Variants in FSD1L observed in about 807,000 individuals in gnomAD.
The protein encoded by FSD1L is fibronectin type III and SPRY domain containing 1 like, also known as FSD1-like protein.
FSD1L carries 45 observed loss-of-function variants against 71.6 expected under a neutral mutation model. The ratio of observed to expected loss-of-function variants is 0.63; its 90% CI spans 0.49 to 0.81. The LOEUF (loss-of-function observed/expected upper bound fraction) is 0.81. Ranked by LOEUF, FSD1L falls within the 30% of genes least tolerant of loss-of-function variation. The probability of loss-of-function intolerance (pLI) is 0.00; values close to 1 mark genes in which losing one functional copy is unlikely to be tolerated. For synonymous variants in FSD1L, 197 were observed against 207.2 expected (o/e 0.95, Z 0.42); for missense variants, 561 against 618.1 (o/e 0.91, Z 0.98).
chr9:105,516,387 C>T (rs1242986281), intron 10 of FSD1L, among the ~76,000 whole-genome samples: 2 of 152,176 alleles, frequency 1.3e-5, no homozygotes, highest in Non-Finnish European at 2.9e-5. Flanking sequence ...CCCCGTGAAT[C>T]CTGACTAGGA....
intron 6 of FSD1L, among the ~76,000 whole-genome samples, chr9:105,481,057 G>T (rs188483181): frequency 6.7e-6 from 1 of 149,366 alleles, no homozygotes; most frequent in Non-Finnish European, 1.5e-5. Flanking sequence ...CTGAAGCTTG[G>T]GTTTTTTGCG....
At position 105,469,673 on chromosome 9, in the gene FSD1L, T is replaced by G. The variant is rs75830559; in HGVS notation, c.339+1349T>G. Among the ~76,000 whole-genome samples, 943 of 151,324 alleles carry G rather than the reference T, an allele frequency of 6.2e-3. 15 individuals are homozygous for G. Among genetic ancestry groups the G allele is most frequent in the African/African-American group, 0.022 (894 of 41,246 alleles). Reference sequence around the variant, plus strand: ...GCAGTTTTCTATTCATTCTGGATATTAACTCCTTATCAGGTGTATGATTCA... The same window carrying G: ...GCAGTTTTCTATTCATTCTGGATATGAACTCCTTATCAGGTGTATGATTCA... On this transcript the variant is annotated intron_variant, in intron 4 of 13. Coordinates refer to ENST00000481272, the MANE Select transcript of FSD1L (RefSeq NM_001145313.3).
chr9:105,493,099 G>T (rs1833075881), intron 7 of FSD1L, among the ~76,000 whole-genome samples: 1 of 152,210 alleles, frequency 6.6e-6, no homozygotes, highest in African/African-American at 2.4e-5. Context: ...TGACAGTGGG[G>T]TTTTAAAGTC....
At chr9:105,494,234 G>A (rs1481357027) in intron 7 of FSD1L, among the ~76,000 whole-genome samples, 1 of 151,684 alleles carries the variant, frequency 6.6e-6, no homozygotes, top group Non-Finnish European at 1.5e-5. Flanking sequence ...TTCCCTTCTC[G>A]CTTCATTTCA....
chr9:105,471,786 T>C (rs1270259294), intron 4 of FSD1L, 118 bp from the exon 5 acceptor site: 5 of 370,280 alleles, frequency 1.4e-5, no homozygotes, highest in Non-Finnish European at 2.4e-5. Flanking sequence ...GAAATGTTTT[T>C]CCTCTATTAT....
rs567527873 is a variant in FSD1L, at chr9:105,465,933, G to A, written c.207+1602G>A. Reference sequence around the variant, plus strand: ...GTCACCCAGGATGGAGTGCAATGCCGCAGTCTCAGCTCACTGAAACTCCTG... The same window carrying A: ...GTCACCCAGGATGGAGTGCAATGCCACAGTCTCAGCTCACTGAAACTCCTG... On this transcript the variant is annotated intron_variant, in intron 3 of 13. Transcript: ENST00000481272. Among the ~76,000 whole-genome samples the A allele has an allele frequency of 9.9e-5, 15 of 151,048 alleles. 1 individual carries two copies. In the South Asian group the frequency reaches 1.5e-3, roughly 15 times the overall value.
At chr9:105,477,498 C>G (rs1831883347) in intron 5 of FSD1L, among the ~76,000 whole-genome samples, 1 of 152,146 alleles carries the variant, frequency 6.6e-6, no homozygotes, top group Non-Finnish European at 1.5e-5. Flanking sequence ...TGTGGGCAAG[C>G]AAGCTGTGAG....
chr9:105,522,753 A>G (rs988884454), intron 10 of FSD1L: 20 of 1,606,212 alleles, frequency 1.2e-5, no homozygotes, highest in African/African-American at 6.7e-5. Flanking sequence ...CAGCAGTGCT[A>G]ATGTTCCTGA....
At chr9:105,501,470 C>T (rs907390555) in intron 7 of FSD1L, among the ~76,000 whole-genome samples, 3 of 152,130 alleles carry the variant, frequency 2.0e-5, no homozygotes, top group Non-Finnish European at 4.4e-5. Flanking sequence ...ATCACCCAGG[C>T]TGGAGTGCAG....
At chr9:105,445,234 C>T (rs960540242), upstream of FSD1L, among the ~76,000 whole-genome samples, 7 of 152,012 alleles carry the variant, frequency 4.6e-5, no homozygotes, top group African/African-American at 1.4e-4. Flanking sequence ...CAGATGGGAA[C>T]GAGGGGAAGC....
At chr9:105,489,032 T>TA (rs1182429596) in intron 7 of FSD1L, among the ~76,000 whole-genome samples, 11 of 152,230 alleles carry the variant, frequency 7.2e-5, no homozygotes, top group East Asian at 3.9e-4. Flanking sequence ...TTATAATTGT[T>TA]ATCTGTCAAT....
chr9:105,512,414 TATGTA>T (rs1357567721), intron 9 of FSD1L, among the ~76,000 whole-genome samples: 5 of 152,130 alleles, frequency 3.3e-5, no homozygotes, highest in Admixed American at 6.5e-5. Context: ...TTTTTTACAC[TATGTA>T]ATTTTATCCT....
chr9:105,534,586 A>AGTGCTG lies in FSD1L; in HGVS notation c.1121_1126dup (p.Val374_Leu375dup). 1 of 1,517,002 alleles carries AGTGCTG rather than the reference A, an allele frequency of 6.6e-7. No homozygotes were observed. The highest frequency in any genetic ancestry group is 9.0e-7 in the Non-Finnish European group (1 of 1,117,112). The allele number at this position is 1,517,002 out of a possible 1,614,324, so 94.0% of individuals were successfully genotyped here. On this transcript the variant is annotated inframe_insertion, in exon 11 of 14. Coordinates refer to ENST00000481272, the MANE Select transcript of FSD1L (RefSeq NM_001145313.3). ...ATCGTTTTACTGGAGAATCATACAC[A>AGTGCTG]GTGCTGGGTAGGACAAAACATAATT...
Position 105,508,611 on chromosome 9 carries a change from C to T in FSD1L, c.797-6C>T, listed in dbSNP as rs79571551. 1.7e-3 allele frequency: 2,614 copies of T among 1,539,406 alleles called. 42 individuals carry two copies. The African/African-American group carries it at 0.033, about 19-fold the overall frequency. ...ATGTCTGAAAACCATGTTTTCGTTT[C>T]TTCAGGCTTAAAATTTGATTCAAAG... On this transcript the variant is annotated splice_polypyrimidine_tract_variant and splice_region_variant and intron_variant, in intron 8 of 13. Transcript: ENST00000481272.
chr9:105,527,484 A>G (rs1022678174), intron 10 of FSD1L, among the ~76,000 whole-genome samples: 8 of 152,150 alleles, frequency 5.3e-5, no homozygotes, highest in Non-Finnish European at 8.8e-5. Flanking sequence ...TCCACCCTCT[A>G]GAAGTATTTT....
chr9:105,448,708 G>A (rs1364959160), intron 1 of FSD1L, among the ~76,000 whole-genome samples: 1 of 152,154 alleles, frequency 6.6e-6, no homozygotes, highest in African/African-American at 2.4e-5. Context: ...TTAGGTCAGG[G>A]ACCGAATCTC....
Position 105,495,551 on chromosome 9 carries a change from G to A in FSD1L, c.587-10848G>A, listed in dbSNP as rs565966091. On this transcript the variant is annotated intron_variant, in intron 7 of 13. Transcript: ENST00000481272. Reference sequence around the variant, plus strand: ...TGGCACTCCCTAGTGAGATGAACCCGGTACCTCAGATGGAAATGCAGAAAT... The same window carrying A: ...TGGCACTCCCTAGTGAGATGAACCCAGTACCTCAGATGGAAATGCAGAAAT... 2.6e-3 allele frequency among the ~76,000 whole-genome samples: 391 copies of A among 152,310 alleles called. 3 individuals carry two copies. The highest frequency in any genetic ancestry group is 8.6e-3 in the African/African-American group (358 of 41,568).
At position 105,549,227 on chromosome 9, in the gene FSD1L, C is replaced by G. The variant is rs1005287119; in HGVS notation, c.*2744C>G. The G allele has an allele frequency of 6.6e-6, 1 of 152,028 alleles. No individual in the cohort carries two copies. Among genetic ancestry groups the G allele is most frequent in the African/African-American group, 2.4e-5 (1 of 41,434 alleles). 9.4% of individuals were successfully genotyped at this position (152,028 alleles called of 1,614,324 possible). ...GTATAAAACAGTTGTTTTCTAAAAA[C>G]ATGCATTTAGTATGGCATTCTCTTT... On this transcript the variant is annotated 3_prime_UTR_variant, in exon 14 of 14. Transcript: ENST00000481272.
At chr9:105,474,968 A>C (rs1449425713) in intron 5 of FSD1L, among the ~76,000 whole-genome samples, 1 of 152,196 alleles carries the variant, frequency 6.6e-6, no homozygotes, top group Non-Finnish European at 1.5e-5. Flanking sequence ...GTTGGTAGTA[A>C]ATTTATGCAG....
Sources: allele counts gnomAD v4.1 joint callset (sites outside exome capture counted in the v4.1 genomes callset), GRCh38; gene constraint gnomAD v4.1.1; transcripts MANE v1.5; gene names NCBI Gene and HGNC (gene_info 2026-07-23, HGNC 2026-07-21).